The following FAM76B variants were observed in gnomAD, a reference collection of about 807,000 sequenced individuals.
The protein encoded by FAM76B is protein FAM76B.
In FAM76B, 16 loss-of-function variants were observed where a neutral mutation model predicts 51.8. The ratio of observed to expected loss-of-function variants is 0.31; its 90% confidence interval spans 0.21 to 0.47. The LOEUF (loss-of-function observed/expected upper bound fraction) is 0.47. Among genes scored for constraint, FAM76B ranks in the 20% least tolerant of loss-of-function variants. FAM76B has a pLI of 1.00. For synonymous variants in FAM76B, 166 were observed against 129.5 expected, an observed-to-expected ratio of 1.28 and a Z score of -1.91; for missense variants, 342 against 392.6, an observed-to-expected ratio of 0.87 and a Z score of 1.09.
intron 1 of FAM76B, chr11:95,789,137 C>T (rs1860811338): frequency 7.8e-7 from 1 of 1,277,632 alleles, no homozygotes; most frequent in Non-Finnish European, 1.0e-6. Context: ...ACTCCTGAGA[C>T]CCCCAGACGC....
chr11:95,783,031 A>G, intron 5 of FAM76B, 34 bp downstream of exon 5: 2 of 1,607,514 alleles, frequency 1.2e-6, no homozygotes, highest in East Asian at 4.5e-5. Context: ...AATGCAAGGA[A>G]GAGTTTTAGA....
rs572414649 is a variant in FAM76B, at chr11:95,770,624, A to G, written c.*937T>C. ...TAAATCTTTGGGGAACTATTTTGACATAATTAAATGAATTCAAAGACCAAC... is the reference window on the plus strand; with the variant it reads ...TAAATCTTTGGGGAACTATTTTGACGTAATTAAATGAATTCAAAGACCAAC... On this transcript the variant is annotated 3_prime_UTR_variant, in exon 10 of 10. Coordinates refer to ENST00000358780, the MANE Select transcript of FAM76B (RefSeq NM_144664.5). The G allele has an allele frequency of 1.6e-3, 246 of 151,962 alleles. 1 individual carries two copies. Among genetic ancestry groups the G allele is most frequent in the African/African-American group, 5.5e-3 (230 of 41,494 alleles). The allele number at this position is 151,962 out of a possible 1,614,324, so 9.4% of individuals were successfully genotyped here. A position where few individuals can be genotyped will look rare whatever the true frequency, so the allele number is the denominator to read the frequency against.
At chr11:95,782,943 T>C (rs1442451173) in intron 5 of FAM76B, 122 bp downstream of exon 5, 3 of 1,237,732 alleles carry the variant, frequency 2.4e-6, no homozygotes, top group Non-Finnish European at 3.4e-6. Flanking sequence ...ACACTCAAGA[T>C]GCTTACTGTG....
At position 95,778,970 on chromosome 11, in the gene FAM76B, A is replaced by G. The variant is rs1259009239; in HGVS notation, c.693-13T>C. ...ATTTATAGAGCTACTAAAAAGAAAA[A>G]AGTAAAACACAGTTAAATGAAGTAG... On this transcript the variant is annotated splice_polypyrimidine_tract_variant and intron_variant, in intron 7 of 9. Transcript: ENST00000358780. 3 of 1,605,198 alleles carry G rather than the reference A, an allele frequency of 1.9e-6. No homozygotes were observed. Among genetic ancestry groups the G allele is most frequent in the Non-Finnish European group, 2.6e-6 (3 of 1,176,278 alleles).
intron 4 of FAM76B, among the ~76,000 whole-genome samples, chr11:95,784,405 TA>T (rs1860438323): frequency 6.6e-6 from 1 of 151,970 alleles, no homozygotes; most frequent in Non-Finnish European, 1.5e-5. Context: ...TTTACCTATA[TA>T]ATAAACGTGC....
rs1486024951 is a variant in FAM76B at position 95,770,703 on chromosome 11, A to G, written c.*858T>C. 1.3e-5 allele frequency: 2 copies of G among 151,780 alleles called. No homozygotes were observed. The highest frequency in any genetic ancestry group is 2.4e-5 in the African/African-American group (1 of 41,364). The allele number at this position is 151,780 out of a possible 1,614,324, so 9.4% of individuals were successfully genotyped here. A position where few individuals can be genotyped will look rare whatever the true frequency, so the allele number is the denominator to read the frequency against. On this transcript the variant is annotated 3_prime_UTR_variant, in exon 10 of 10. Transcript: ENST00000358780. ...ACAAAATTTTCTACAATCTATATGC[A>G]TTATCAGTTAGTTCTAAATGTAATC...
At chr11:95,775,356 T>TA (rs1007304425) in intron 9 of FAM76B, among the ~76,000 whole-genome samples, 2 of 151,372 alleles carry the variant, frequency 1.3e-5, no homozygotes, top group African/African-American at 4.8e-5. Flanking sequence ...TCTGTATACT[T>TA]AAACTGCTAC....
At chr11:95,788,411 T>C (rs149013955) in intron 2 of FAM76B, 88 bp downstream of exon 2, 11 of 1,094,416 alleles carry the variant, frequency 1.0e-5, no homozygotes, top group Middle Eastern at 2.6e-4. Context: ...TTAAAAATAC[T>C]TTCATAAAAA....
chr11:95,778,714 G>T lies in FAM76B; in HGVS notation c.828+108C>A. On this transcript the variant is annotated intron_variant, in intron 8 of 9. Transcript: ENST00000358780. ...TTGTAATTTGTCTTATAAAAATCACGCACAACAAACATTACCAAATTATTA... is the reference window on the plus strand; with the variant it reads ...TTGTAATTTGTCTTATAAAAATCACTCACAACAAACATTACCAAATTATTA... 2 of 1,315,208 alleles carry T rather than the reference G, an allele frequency of 1.5e-6. No homozygotes were observed. Among genetic ancestry groups the T allele is most frequent in the Non-Finnish European group, 2.0e-6 (2 of 995,716 alleles). The allele number at this position is 1,315,208 out of a possible 1,614,324, so 81.5% of individuals were successfully genotyped here.
intron 4 of FAM76B, 58 bp downstream of exon 4, chr11:95,786,061 A>G: frequency 6.4e-7 from 1 of 1,567,596 alleles, no homozygotes; most frequent in South Asian, 1.2e-5. Context: ...TATAATTTCC[A>G]ACTTGTTTGG....
At chr11:95,788,712 A>T in intron 1 of FAM76B, 149 bp from the exon 2 acceptor site, 1 of 1,217,154 alleles carries the variant, frequency 8.2e-7, no homozygotes. Context: ...TTATCATATA[A>T]GTGGCCAATC....
At chr11:95,788,219 T>A (rs1490490242) in intron 2 of FAM76B, among the ~76,000 whole-genome samples, 1 of 152,230 alleles carries the variant, frequency 6.6e-6, no homozygotes, top group Non-Finnish European at 1.5e-5. Flanking sequence ...TTTTTTAGTT[T>A]AACATAACTG....
chr11:95,781,980 G>C (rs1293423473), intron 5 of FAM76B, among the ~76,000 whole-genome samples: 1 of 152,150 alleles, frequency 6.6e-6, no homozygotes, highest in Non-Finnish European at 1.5e-5. Flanking sequence ...GTGGGCATCA[G>C]TTGTTTGTAA....
chr11:95,776,066 TACACAC>T (rs761589418), intron 8 of FAM76B, 43 bp from the exon 9 acceptor site: 3 of 1,020,632 alleles, frequency 2.9e-6, no homozygotes, highest in Admixed American at 2.7e-5. Flanking sequence ...TTTGCACACA[TACACAC>T]ACACACCATT....
intron 9 of FAM76B, among the ~76,000 whole-genome samples, chr11:95,772,269 G>GC (rs1859801039): frequency 6.6e-6 from 1 of 150,986 alleles, no homozygotes; most frequent in Non-Finnish European, 1.5e-5. Context: ...ACTGATTTTA[G>GC]TGTGGTTTGA....
Position 95,771,487 on chromosome 11 carries a change from G to C in FAM76B, c.*74C>G. On this transcript the variant is annotated 3_prime_UTR_variant, in exon 10 of 10. Transcript: ENST00000358780. ...TGCAAAAATATTTTTCTACTACACA[G>C]AATTTAAGGGCTTCACAGAATTTTT... 1 of 1,214,558 alleles carries C rather than the reference G, an allele frequency of 8.2e-7. No individual in the cohort carries two copies. Among genetic ancestry groups the C allele is most frequent in the Admixed American group, 1.9e-5 (1 of 53,992 alleles). 75.2% of individuals were successfully genotyped at this position (1,214,558 alleles called of 1,614,324 possible). A position where few individuals can be genotyped will look rare whatever the true frequency, so the allele number is the denominator to read the frequency against.
At chr11:95,789,133 G>A (rs905116928) in intron 1 of FAM76B, 17 of 1,299,174 alleles carry the variant, frequency 1.3e-5, no homozygotes, top group African/African-American at 4.5e-5. Flanking sequence ...CCCCACTCCT[G>A]AGACCCCCAG....
intron 9 of FAM76B, 127 bp from the exon 10 acceptor site, chr11:95,771,777 G>T: frequency 4.3e-6 from 3 of 691,456 alleles, no homozygotes; most frequent in Non-Finnish European, 4.6e-6. Flanking sequence ...AACATTAAAT[G>T]AAAGAGTTGA....
chr11:95,785,262 C>T (rs1860501596), intron 4 of FAM76B, among the ~76,000 whole-genome samples: 1 of 152,204 alleles, frequency 6.6e-6, no homozygotes, highest in Non-Finnish European at 1.5e-5. Context: ...AGGTTCGTTA[C>T]TATCCCCAGT....
Sources: allele counts gnomAD v4.1 joint callset (sites outside exome capture counted in the v4.1 genomes callset), GRCh38; gene constraint gnomAD v4.1.1; transcripts MANE v1.5; gene names NCBI Gene and HGNC (gene_info 2026-07-23, HGNC 2026-07-21).